The following CEP83 variants were observed in gnomAD, a reference collection of about 807,000 sequenced individuals.
CEP83 encodes the protein centrosomal protein 83, also known as centrosomal protein of 83 kDa.
In CEP83, 70 loss-of-function variants were observed where a neutral mutation model predicts 101.9. The ratio of observed to expected loss-of-function variants is 0.69; its 90% CI spans 0.57 to 0.84. CEP83 has a LOEUF of 0.84. Among genes scored for constraint, CEP83 ranks in the 40% least tolerant of loss-of-function variants. CEP83 has a pLI of 0.00. For missense variants in CEP83, 715 were observed against 787.2 expected (o/e 0.91, Z 1.10); for synonymous variants, 264 against 267.9 (o/e 0.99, Z 0.14).
intron 2 of CEP83, among the ~76,000 whole-genome samples, chr12:94,414,188 T>C (rs533541258): frequency 3.9e-4 from 59 of 152,344 alleles, no homozygotes; most frequent in African/African-American, 1.3e-3. Context: ...GAATGCGCTA[T>C]CTGTAGCAGC....
the CEP83 span, among the ~76,000 whole-genome samples, chr12:94,297,737 CTTG>C: frequency 4.9e-4 from 75 of 152,234 alleles, 1 homozygote; most frequent in African/African-American, 1.8e-3. Flanking sequence ...TTTTGGTTTA[CTTG>C]TTATTATAGA....
intron 6 of CEP83, among the ~76,000 whole-genome samples, chr12:94,398,695 C>A (rs1025674991): frequency 6.6e-6 from 1 of 152,060 alleles, no homozygotes; most frequent in Non-Finnish European, 1.5e-5. Flanking sequence ...CGGGGTCAGA[C>A]AAAATAGAGC....
chr12:94,410,887 A>G (rs552233204), intron 4 of CEP83, among the ~76,000 whole-genome samples: 1 of 152,306 alleles, frequency 6.6e-6, no homozygotes, highest in African/African-American at 2.4e-5. Flanking sequence ...TGAATGACAA[A>G]CTTACAAGGC....
chr12:94,414,027 G>A (rs940931809), intron 2 of CEP83, among the ~76,000 whole-genome samples: 4 of 152,024 alleles, frequency 2.6e-5, no homozygotes, highest in East Asian at 3.9e-4. Flanking sequence ...TGATATCTAC[G>A]TATTACTTAA....
At chr12:94,354,854 A>G (rs1313643767) in intron 11 of CEP83, among the ~76,000 whole-genome samples, 1 of 152,122 alleles carries the variant, frequency 6.6e-6, no homozygotes, top group African/African-American at 2.4e-5. Flanking sequence ...TACTAAAAAT[A>G]TAAAAATTAT....
At chr12:94,394,836 G>C (rs2062782691) in intron 6 of CEP83, among the ~76,000 whole-genome samples, 1 of 152,154 alleles carries the variant, frequency 6.6e-6, no homozygotes, top group African/African-American at 2.4e-5. Flanking sequence ...CTTCTCAAAA[G>C]AAGACATCTA....
At chr12:94,393,085 C>T (rs936819764) in intron 6 of CEP83, among the ~76,000 whole-genome samples, 1 of 152,152 alleles carries the variant, frequency 6.6e-6, no homozygotes, top group African/African-American at 2.4e-5. Context: ...GAAACTATTC[C>T]AATCAATAGA....
At chr12:94,330,942 C>A (rs2059171258) in intron 14 of CEP83, among the ~76,000 whole-genome samples, 1 of 152,094 alleles carries the variant, frequency 6.6e-6, no homozygotes, top group South Asian at 2.1e-4. Context: ...GCTTATATAT[C>A]AAATTAAACA....
intron 12 of CEP83, 34 bp downstream of exon 12, chr12:94,335,555 A>G: frequency 7.1e-7 from 1 of 1,414,218 alleles, no homozygotes; most frequent in Non-Finnish European, 9.7e-7. Context: ...AAGCACTTGA[A>G]AAAATAAAAG....
At chr12:94,335,540 T>C in intron 12 of CEP83, 49 bp downstream of exon 12, 1 of 1,259,374 alleles carries the variant, frequency 7.9e-7, no homozygotes, top group Non-Finnish European at 1.1e-6. Context: ...AACATAAATT[T>C]AAAGAAGCAC....
chr12:94,308,811 C>T lies in CEP83; in HGVS notation c.*2G>A, dbSNP rs780004736. The stretch of plus-strand genomic sequence containing the variant: ...TTTTGATCTGCCTGTTCTCCAAGAA[C>T]ATCATTCTCCGGAAGATCCAAGTTC... On this transcript the variant is annotated 3_prime_UTR_variant, in exon 17 of 17. Coordinates refer to ENST00000397809, the MANE Select transcript of CEP83 (RefSeq NM_016122.3). 3 of 1,594,830 alleles carry T rather than the reference C, an allele frequency of 1.9e-6. No homozygotes were observed. Among genetic ancestry groups the T allele is most frequent in the Non-Finnish European group, 2.6e-6 (3 of 1,162,958 alleles).
intron 6 of CEP83, among the ~76,000 whole-genome samples, chr12:94,382,998 C>T (rs971053428): frequency 7.9e-5 from 12 of 152,044 alleles, no homozygotes; most frequent in Admixed American, 3.3e-4. Flanking sequence ...TTGTCTATTT[C>T]ACCTTTTAGT....
chr12:94,405,675 G>A (rs2063494066), intron 4 of CEP83, among the ~76,000 whole-genome samples: 1 of 152,168 alleles, frequency 6.6e-6, no homozygotes, highest in African/African-American at 2.4e-5. Context: ...CTAGACATAA[G>A]AAAGCAAAAG....
intron 1 of CEP83, among the ~76,000 whole-genome samples, chr12:94,445,015 C>A (rs867990059): frequency 6.6e-6 from 1 of 151,190 alleles, no homozygotes; most frequent in Non-Finnish European, 1.5e-5. Context: ...CACAAGGGAC[C>A]CAGAAGAGCC....
chr12:94,281,410 C>T, the CEP83 span, among the ~76,000 whole-genome samples: 2 of 152,150 alleles, frequency 1.3e-5, no homozygotes, highest in African/African-American at 2.4e-5. Context: ...GTGTCAGCCG[C>T]CTGGGACTAC....
chr12:94,339,589 AT>A (rs1388845524), intron 11 of CEP83, among the ~76,000 whole-genome samples: 2 of 152,204 alleles, frequency 1.3e-5, no homozygotes, highest in Non-Finnish European at 2.9e-5. Context: ...TCTTGGCTTC[AT>A]TTAATGTGAG....
intron 6 of CEP83, among the ~76,000 whole-genome samples, chr12:94,387,666 A>C (rs1356488745): frequency 1.3e-5 from 2 of 152,210 alleles, no homozygotes; most frequent in Non-Finnish European, 2.9e-5. Flanking sequence ...ATGGGAGAAA[A>C]TACCTGCAAA....
At chr12:94,268,319 T>A in the CEP83 span, among the ~76,000 whole-genome samples, 3 of 152,326 alleles carry the variant, frequency 2.0e-5, no homozygotes, top group African/African-American at 7.2e-5. Flanking sequence ...TAATGTTCTC[T>A]TCTTGCATAT....
chr12:94,306,258 G>A (rs988924086), downstream of CEP83: 2 of 151,298 alleles, frequency 1.3e-5, no homozygotes, highest in Non-Finnish European at 2.9e-5. Context: ...ACATTTTATC[G>A]AATTGCTGTT....
Sources: gnomAD v4.1 joint callset for allele counts (sites outside exome capture counted in the v4.1 genomes callset) on GRCh38, gnomAD v4.1.1 for gene constraint, MANE v1.5 for transcripts, NCBI Gene and HGNC (gene_info 2026-07-23, HGNC 2026-07-21) for gene names.